ASTN2: variants seen among roughly 807,000 people sequenced by gnomAD.
The protein encoded by ASTN2 is astrotactin 2.
A neutral mutation model predicts 139.8 loss-of-function variants in ASTN2; 54 were observed. The observed-to-expected ratio is 0.39, with a 90% CI of 0.31 to 0.48. ASTN2 has a LOEUF of 0.48. Among genes scored for constraint, ASTN2 ranks in the 20% least tolerant of loss-of-function variants. ASTN2 has a pLI of 0.95. For synonymous variants in ASTN2, 756 were observed against 719.5 expected (o/e 1.05, Z -0.81); for missense variants, 1,565 against 1,725.1 (o/e 0.91, Z 1.64).
At chr9:116,493,995 G>T (rs1849598977) in intron 19 of ASTN2, among the ~76,000 whole-genome samples, 1 of 152,036 alleles carries the variant, frequency 6.6e-6, no homozygotes, top group Admixed American at 6.5e-5. Flanking sequence ...CCTTTACTTG[G>T]GCAACTGTAG....
intron 13 of ASTN2, among the ~76,000 whole-genome samples, chr9:116,793,189 A>G (rs1830602417): frequency 1.3e-5 from 2 of 152,182 alleles, no homozygotes; most frequent in Non-Finnish European, 2.9e-5. Flanking sequence ...ATTCCTAGGA[A>G]TTTGTCCTAC....
chr9:116,434,986 T>G (rs1399900305), intron 22 of ASTN2, among the ~76,000 whole-genome samples: 1 of 152,196 alleles, frequency 6.6e-6, no homozygotes, highest in African/African-American at 2.4e-5. Flanking sequence ...AAGAGAATCC[T>G]AATAGAGCTC....
At chr9:116,531,744 T>G (rs950794045) in intron 19 of ASTN2, among the ~76,000 whole-genome samples, 1 of 152,188 alleles carries the variant, frequency 6.6e-6, no homozygotes, top group Non-Finnish European at 1.5e-5. Flanking sequence ...ATGTGCCACA[T>G]TTTCTTAATC....
chr9:117,130,762 T>C (rs551305226), intron 4 of ASTN2, among the ~76,000 whole-genome samples: 11 of 152,288 alleles, frequency 7.2e-5, no homozygotes, highest in Admixed American at 6.5e-4. Context: ...CATACACACA[T>C]ACATACATGT....
chr9:116,535,241 G>C (rs560969953), intron 19 of ASTN2, among the ~76,000 whole-genome samples: 2 of 151,806 alleles, frequency 1.3e-5, no homozygotes, highest in African/African-American at 2.4e-5. Context: ...CCTTTATTTT[G>C]AGCCTATGTG....
At chr9:116,988,939 G>C (rs1438959280) in intron 7 of ASTN2, among the ~76,000 whole-genome samples, 1 of 152,100 alleles carries the variant, frequency 6.6e-6, no homozygotes, top group Non-Finnish European at 1.5e-5. Flanking sequence ...ACACAACTCT[G>C]TTCTCCCTTA....
intron 13 of ASTN2, among the ~76,000 whole-genome samples, chr9:116,734,289 C>A (rs1209395151): frequency 1.3e-5 from 2 of 152,140 alleles, no homozygotes; most frequent in Non-Finnish European, 2.9e-5. Context: ...CTCTGAATGA[C>A]CCCAGAAAAC....
At chr9:116,487,979 G>C (rs1275804207) in intron 19 of ASTN2, among the ~76,000 whole-genome samples, 3 of 152,124 alleles carry the variant, frequency 2.0e-5, no homozygotes, top group Non-Finnish European at 2.9e-5. Flanking sequence ...GTTAGGCATG[G>C]GTACTGGATT....
chr9:116,778,615 T>A (rs1015339263), intron 13 of ASTN2, among the ~76,000 whole-genome samples: 19 of 152,300 alleles, frequency 1.2e-4, no homozygotes, highest in African/African-American at 4.1e-4. Context: ...TAGTCTCTCC[T>A]TCCCCTGATG....
intron 11 of ASTN2, among the ~76,000 whole-genome samples, chr9:116,861,093 C>A (rs1236811790): frequency 6.6e-6 from 1 of 152,076 alleles, no homozygotes. Context: ...GGGTCTTTGA[C>A]AACTTCATCA....
intron 3 of ASTN2, among the ~76,000 whole-genome samples, chr9:117,170,449 A>T (rs2132923172): frequency 6.6e-6 from 1 of 152,286 alleles, no homozygotes; most frequent in South Asian, 2.1e-4. Context: ...ATGAAGAAGG[A>T]AGACAAAATT....
intron 11 of ASTN2, among the ~76,000 whole-genome samples, chr9:116,840,488 G>T (rs1446725893): frequency 7.8e-6 from 1 of 129,008 alleles, no homozygotes; most frequent in Non-Finnish European, 1.6e-5. Context: ...CGGACGGGGC[G>T]GCTGGCCGGA....
At chr9:117,354,888 T>C (rs747926256) in intron 1 of ASTN2, among the ~76,000 whole-genome samples, 14 of 152,210 alleles carry the variant, frequency 9.2e-5, no homozygotes, top group Non-Finnish European at 1.8e-4. Context: ...AATGCCCTAG[T>C]TATAAGTTAT....
chr9:116,769,274 A>G (rs1829895038), intron 13 of ASTN2, among the ~76,000 whole-genome samples: 1 of 152,248 alleles, frequency 6.6e-6, no homozygotes, highest in Non-Finnish European at 1.5e-5. Flanking sequence ...TGAAAACTGA[A>G]TCACATCTAT....
intron 5 of ASTN2, among the ~76,000 whole-genome samples, chr9:117,041,704 A>G (rs1330775746): frequency 6.6e-6 from 1 of 152,204 alleles, no homozygotes; most frequent in Non-Finnish European, 1.5e-5. Flanking sequence ...AAGGCCTTTC[A>G]TGAAGACTCC....
chr9:116,899,922 T>C (rs1588394918), intron 10 of ASTN2, among the ~76,000 whole-genome samples: 2 of 152,262 alleles, frequency 1.3e-5, no homozygotes, highest in African/African-American at 4.8e-5. Flanking sequence ...GCTCATCTGG[T>C]ATTGTGGCCC....
chr9:117,136,379 T>C (rs1829951383), intron 4 of ASTN2, among the ~76,000 whole-genome samples: 1 of 152,206 alleles, frequency 6.6e-6, no homozygotes, highest in Non-Finnish European at 1.5e-5. Context: ...TAAACATGCA[T>C]ATACTATGAA....
intron 10 of ASTN2, among the ~76,000 whole-genome samples, chr9:116,882,075 A>C (rs1833463903): frequency 6.6e-6 from 1 of 152,146 alleles, no homozygotes. Context: ...CCATCCATCC[A>C]TCCATCCACC....
At chr9:116,837,334 T>C (rs943308) in intron 11 of ASTN2, among the ~76,000 whole-genome samples, 128,266 of 152,080 alleles carry the variant, frequency 0.84, 54,307 homozygotes, top group East Asian at 0.95. Context: ...CTCATATCCC[T>C]CATTCTGCTC....
Sources: gnomAD v4.1 joint callset for allele counts (sites outside exome capture counted in the v4.1 genomes callset) on GRCh38, gnomAD v4.1.1 for gene constraint, MANE v1.5 for transcripts, NCBI Gene and HGNC (gene_info 2026-07-23, HGNC 2026-07-21) for gene names.